The following TERT variants were observed in gnomAD, a reference collection of about 807,000 sequenced individuals.
The protein encoded by TERT is telomerase reverse transcriptase.
A neutral mutation model predicts 104.0 loss-of-function variants in TERT; 42 were observed. That is an observed-to-expected ratio of 0.40 (90% confidence interval 0.32 to 0.52). The LOEUF (loss-of-function observed/expected upper bound fraction) is 0.52, where lower values mean the gene tolerates loss of function less well. Ranked by LOEUF, TERT falls within the 20% of genes least tolerant of loss-of-function variation. TERT has a pLI of 0.43. For synonymous variants in TERT, 781 were observed against 725.6 expected (o/e 1.08, Z -1.23); for missense variants, 1,101 against 1,610.3 (o/e 0.68, Z 5.41).
At chr5:1,260,885 C>G (rs1025867964) in intron 11 of TERT, among the ~76,000 whole-genome samples, 3 of 152,240 alleles carry the variant, frequency 2.0e-5, no homozygotes, top group Admixed American at 2.0e-4. Context: ...CTGATGAGAT[C>G]TGCACATAAC....
intron 4 of TERT, among the ~76,000 whole-genome samples, 173 bp from the exon 5 acceptor site, chr5:1,279,643 G>A (rs905212951): frequency 4.6e-5 from 7 of 152,288 alleles, no homozygotes; most frequent in Middle Eastern, 3.4e-3. Context: ...GTTCCTGGCC[G>A]CATGTGTGTT....
In TERT at chr5:1,292,517, C is replaced by CT. The variant is rs570266982; in HGVS notation, c.1573+795dup. Among the ~76,000 whole-genome samples, 568 of 113,420 alleles carry CT rather than the reference C, an allele frequency of 5.0e-3. 8 individuals are homozygous for CT. The highest frequency in any genetic ancestry group is 0.02 in the South Asian group (80 of 3,998). The allele number at this position is 113,420 out of a possible 152,430, so 74.4% of individuals were successfully genotyped here. On this transcript the variant is annotated intron_variant, in intron 2 of 15. Coordinates refer to ENST00000310581, the MANE Select transcript of TERT (RefSeq NM_198253.3). The surrounding 1 kb of genome is among the most constrained non-coding windows in gnomAD (Gnocchi z 5.5). ...CCTGTCCTGGCACAATCAACGAACA[C>CT]TTTTTTTTTTTAAAGACAGAGTTTC... is the stretch of plus-strand genomic sequence containing the variant.
chr5:1,256,375 T>G lies in TERT; in HGVS notation c.3033-964A>C, dbSNP rs1010539076. Among the ~76,000 whole-genome samples the G allele has an allele frequency of 2.0e-5, 3 of 152,090 alleles. No homozygotes were observed. Among genetic ancestry groups the G allele is most frequent in the African/African-American group, 7.2e-5 (3 of 41,394 alleles). Reference sequence around the variant, plus strand: ...ACTTTGGGGCAGGTGTGCACAGACCTGGCTACCATGAAACAGCACATGTGC... The same window carrying G: ...ACTTTGGGGCAGGTGTGCACAGACCGGGCTACCATGAAACAGCACATGTGC... On this transcript the variant is annotated intron_variant, in intron 13 of 15. Transcript: ENST00000310581. The surrounding 1 kb of genome is among the most constrained non-coding windows in gnomAD (Gnocchi z 7.0).
rs1748918528 is a variant in TERT, at chr5:1,270,160, T to C, written c.2468+959A>G. On this transcript the variant is annotated intron_variant, in intron 8 of 15. Coordinates refer to ENST00000310581, the MANE Select transcript of TERT (RefSeq NM_198253.3). This position sits in a 1 kb window ranked among gnomAD's most constrained non-coding sequence, Gnocchi z 8.3. ...CTCTGCTGCCATGTGCAATTTGTGT[T>C]TTTCCAGAACGTGTGTACTACTTAA... Among the ~76,000 whole-genome samples, 1 of 152,218 alleles carries C rather than the reference T, an allele frequency of 6.6e-6. No homozygotes were observed. Among genetic ancestry groups the C allele is most frequent in the South Asian group, 2.1e-4 (1 of 4,830 alleles).
chr5:1,271,883 T>C (rs560085254), intron 7 of TERT, among the ~76,000 whole-genome samples: 14 of 152,322 alleles, frequency 9.2e-5, no homozygotes, highest in African/African-American at 3.1e-4. Context: ...ACCTTTCCTT[T>C]GGCCTCAAGA....
Position 1,280,345 on chromosome 5 carries a change from TAGAG to T in TERT, c.1770-11_1770-8del, listed in dbSNP as rs750157829. 16 of 1,611,956 alleles carry T rather than the reference TAGAG, an allele frequency of 9.9e-6. No individual in the cohort carries two copies. The East Asian group carries it at 3.3e-4, about 34-fold the overall frequency. On this transcript the variant is annotated splice_polypyrimidine_tract_variant and splice_region_variant and intron_variant, in intron 3 of 15. Transcript: ENST00000310581. ...CACCCTCTTCAAGTGCTGTCTGCAATAGAGAGCCCCTCAGGAGGCTTGCTCAGCC... is the reference window on the plus strand; with the variant it reads ...CACCCTCTTCAAGTGCTGTCTGCAATAGCCCCTCAGGAGGCTTGCTCAGCC...
At chr5:1,278,490 G>A (rs1167038305) in intron 6 of TERT, 151 bp downstream of exon 6, 49 of 1,146,348 alleles carry the variant, frequency 4.3e-5, no homozygotes, top group Admixed American at 2.1e-4. Context: ...CATGCACCAC[G>A]ACACACACGT....
At position 1,263,858 on chromosome 5, in the gene TERT, C is replaced by T. The variant is rs1332091247; in HGVS notation, c.2843+546G>A. Among the ~76,000 whole-genome samples the T allele has an allele frequency of 6.6e-6, 1 of 152,242 alleles. No individual in the cohort carries two copies. Among genetic ancestry groups the T allele is most frequent in the East Asian group, 1.9e-4 (1 of 5,194 alleles). ...CCCAGAATTTTGTAGAGACCCCCCC[C>T]ACACCATGGCCCTGTCCCCTGATGG... On this transcript the variant is annotated intron_variant, in intron 11 of 15. Coordinates refer to ENST00000310581, the MANE Select transcript of TERT (RefSeq NM_198253.3). The surrounding 1 kb of genome is among the most constrained non-coding windows in gnomAD (Gnocchi z 5.3).
chr5:1,279,500 G>C (rs1026256654), intron 4 of TERT, 30 bp from the exon 5 acceptor site: 2 of 1,547,602 alleles, frequency 1.3e-6, no homozygotes, highest in Non-Finnish European at 1.7e-6. Flanking sequence ...AGACAGTCAG[G>C]AAAGTGGATC....
At chr5:1,283,348 C>A (rs1750191181) in intron 2 of TERT, among the ~76,000 whole-genome samples, 2 of 132,296 alleles carry the variant, frequency 1.5e-5, no homozygotes, top group East Asian at 2.5e-4. Flanking sequence ...GGCCTGGCGA[C>A]CTCACCCCGG....
At chr5:1,279,533 T>C (rs1208380945) in intron 4 of TERT, 63 bp from the exon 5 acceptor site, 22 of 1,512,072 alleles carry the variant, frequency 1.5e-5, no homozygotes, top group African/African-American at 2.8e-5. Flanking sequence ...CACCCCACCA[T>C]AGGGACCCAG....
rs1426147209 is a variant in TERT, at chr5:1,282,608, C to CG, written c.1589dup (p.Ala531GlyfsTer8). On this transcript the variant is annotated frameshift_variant, in exon 3 of 16. Transcript: ENST00000310581. LOFTEE classifies it high-confidence loss of function. ...CCTCACGCAGACGGTGCTCTGCGGC[C>CG]GGAACACAGCCAACCCCTTAAACGA... 1 of 1,613,894 alleles carries CG rather than the reference C, an allele frequency of 6.2e-7. No homozygotes were observed. Among genetic ancestry groups the CG allele is most frequent in the Non-Finnish European group, 8.5e-7 (1 of 1,180,014 alleles).
At chr5:1,291,707 C>T (rs1488650863) in intron 2 of TERT, among the ~76,000 whole-genome samples, 4 of 149,774 alleles carry the variant, frequency 2.7e-5, no homozygotes, top group African/African-American at 4.9e-5. Flanking sequence ...TCACCCTACA[C>T]GTGACAGGGA....
In TERT at chr5:1,259,597, A is replaced by G. The variant is rs376376484; in HGVS notation, c.2970+877T>C. Among the ~76,000 whole-genome samples, 530 of 114,618 alleles carry G rather than the reference A, an allele frequency of 4.6e-3. 5 individuals are homozygous for G. The highest frequency in any genetic ancestry group is 0.017 in the African/African-American group (497 of 29,184). 75.2% of individuals were successfully genotyped at this position (114,618 alleles called of 152,430 possible). ...GATGCCCACAGGAGAGGGAGTGGAC[A>G]TGGATGCCCACAGGAGAGGGGGAGT... On this transcript the variant is annotated intron_variant, in intron 12 of 15. Coordinates refer to ENST00000310581, the MANE Select transcript of TERT (RefSeq NM_198253.3).
intron 12 of TERT, 91 bp from the exon 13 acceptor site, chr5:1,258,750 C>T (rs773607043): frequency 3.1e-5 from 33 of 1,076,476 alleles, no homozygotes; most frequent in Non-Finnish European, 4.5e-5. Flanking sequence ...TCAGATGGAA[C>T]AAGAAAGAGG....
chr5:1,293,920 G>T lies in TERT; in HGVS notation c.966C>A (p.Pro322=), dbSNP rs1214021171. The stretch of plus-strand genomic sequence containing the variant: ...AGTGCTTGGTCTCGGCGTACACCGG[G>T]GGACAAGGCGTGTCCCAGGGACGTG... ...RPPRPWDTPC[P]PVYAETKHFL... The change falls in exon 2 of 16, where the codon CCC becomes CCA. Residue 322 remains proline, a synonymous_variant. Transcript: ENST00000310581. The T allele has an allele frequency of 6.5e-7, 1 of 1,542,492 alleles. No individual in the cohort carries two copies. The highest frequency in any genetic ancestry group is 1.4e-5 in the African/African-American group (1 of 73,186).
rs1055839334 is a variant in TERT at position 1,263,467 on chromosome 5, G to C, written c.2843+937C>G. Among the ~76,000 whole-genome samples the C allele has an allele frequency of 1.3e-5, 2 of 150,478 alleles. No homozygotes were observed. Among genetic ancestry groups the C allele is most frequent in the African/African-American group, 2.4e-5 (1 of 40,836 alleles). On this transcript the variant is annotated intron_variant, in intron 11 of 15. Transcript: ENST00000310581. This position sits in a 1 kb window ranked among gnomAD's most constrained non-coding sequence, Gnocchi z 5.3. ...TGCCCAGGCTGGAGTGCAGTGGTGT[G>C]ATCTCGGCTCACTGCAACCTCTGCC...
intron 3 of TERT, among the ~76,000 whole-genome samples, chr5:1,280,900 A>G (rs1749978946): frequency 6.6e-6 from 1 of 152,194 alleles, no homozygotes; most frequent in Admixed American, 6.5e-5. Context: ...CGGGGGCTGG[A>G]GCGGCCACAC....
At position 1,274,603 on chromosome 5, in the gene TERT, G is replaced by A. The variant is rs566291931; in HGVS notation, c.2287-2323C>T. ...CCCCTCTCACGCACAGTTCTCAGTAGGGTGTGTGCGCCTCTGAGCACCGCA... is the reference window on the plus strand; with the variant it reads ...CCCCTCTCACGCACAGTTCTCAGTAAGGTGTGTGCGCCTCTGAGCACCGCA... On this transcript the variant is annotated intron_variant, in intron 6 of 15. Coordinates refer to ENST00000310581, the MANE Select transcript of TERT (RefSeq NM_198253.3). This position sits in a 1 kb window ranked among gnomAD's most constrained non-coding sequence, Gnocchi z 5.3. Among the ~76,000 whole-genome samples the A allele has an allele frequency of 1.8e-4, 28 of 152,300 alleles. No homozygotes were observed. The highest frequency in any genetic ancestry group is 6.3e-4 in the African/African-American group (26 of 41,572).
Sources: gnomAD v4.1 joint callset for allele counts (sites outside exome capture counted in the v4.1 genomes callset) on GRCh38, gnomAD v4.1.1 for gene constraint, Gnocchi (gnomAD v3.1) non-coding constraint, MANE v1.5 for transcripts, NCBI Gene and HGNC (gene_info 2026-07-23, HGNC 2026-07-21) for gene names.